The following ARFGEF1 variants were observed in gnomAD, a reference collection of about 807,000 sequenced individuals.
ARFGEF1 encodes the protein ARF guanine nucleotide exchange factor 1, also known as brefeldin A-inhibited guanine nucleotide-exchange protein 1.
Under a neutral mutation model 231.0 loss-of-function variants are expected in ARFGEF1, and 42 were observed. The observed-to-expected ratio is 0.18, with a 90% CI of 0.14 to 0.24. The LOEUF (loss-of-function observed/expected upper bound fraction) is 0.24, where lower values mean the gene tolerates loss of function less well. Ranked by LOEUF, ARFGEF1 falls within the 10% of genes least tolerant of loss-of-function variation. ARFGEF1 has a pLI of 1.00. For synonymous variants in ARFGEF1, 710 were observed against 732.3 expected (o/e 0.97, Z 0.49); for missense variants, 1,345 against 2,192.0 (o/e 0.61, Z 7.72).
At chr8:67,240,616 A>C (rs1839900233) in intron 19 of ARFGEF1, among the ~76,000 whole-genome samples, 1 of 152,186 alleles carries the variant, frequency 6.6e-6, no homozygotes, top group South Asian at 2.1e-4. Flanking sequence ...CTCTCTTTGT[A>C]AGCTTTGTCT....
At chr8:67,246,416 G>A (rs1309836122) in intron 19 of ARFGEF1, among the ~76,000 whole-genome samples, 1 of 150,026 alleles carries the variant, frequency 6.7e-6, no homozygotes, top group African/African-American at 2.5e-5. Flanking sequence ...CCTCTTTCTG[G>A]TACAACGGAA....
chr8:67,264,092 T>C (rs1338482406), intron 14 of ARFGEF1, among the ~76,000 whole-genome samples: 2 of 152,060 alleles, frequency 1.3e-5, no homozygotes, highest in Non-Finnish European at 2.9e-5. Flanking sequence ...GGTATTATCA[T>C]ACCTTCAAAG....
rs189543670 is a variant in ARFGEF1 at position 67,266,234 on chromosome 8, C to A, written c.1922-27G>T. 441 of 1,562,550 alleles carry A rather than the reference C, an allele frequency of 2.8e-4. No homozygotes were observed. The African/African-American group carries it at 5.6e-3, about 20-fold the overall frequency. ...TGAAAGAAGAAAAATTGATAGAGTACATTATTCTATCAAAGAAAAAAAAAA... is the reference window on the plus strand; with the variant it reads ...TGAAAGAAGAAAAATTGATAGAGTAAATTATTCTATCAAAGAAAAAAAAAA... On this transcript the variant is annotated intron_variant, in intron 13 of 38. Coordinates refer to ENST00000262215, the MANE Select transcript of ARFGEF1 (RefSeq NM_006421.5).
At chr8:67,237,921 G>A (rs761293376) in intron 22 of ARFGEF1, among the ~76,000 whole-genome samples, 3 of 152,092 alleles carry the variant, frequency 2.0e-5, no homozygotes, top group Non-Finnish European at 2.9e-5. Context: ...GGAAGTTCCT[G>A]GTCATATTGA....
chr8:67,302,487 G>T, intron 1 of ARFGEF1, 21 bp from the exon 2 acceptor site: 2 of 1,546,936 alleles, frequency 1.3e-6, no homozygotes, highest in Non-Finnish European at 1.7e-6. Context: ...AAAAAAAGAA[G>T]CATACATTAG....
At position 67,343,401 on chromosome 8, in the gene ARFGEF1, A is replaced by C; in HGVS notation, c.-114T>G. On this transcript the variant is annotated 5_prime_UTR_variant, in exon 1 of 39. Transcript: ENST00000262215. ...AAAGGAGAGGGGGTGGAGGTGGGGG[A>C]TTGGAGGCGTGGAGGGCAGCGGCAG... 9.5e-7 allele frequency: 1 copy of C among 1,053,222 alleles called. No individual in the cohort carries two copies. Among genetic ancestry groups the C allele is most frequent in the Non-Finnish European group, 1.3e-6 (1 of 789,398 alleles). 65.2% of individuals were successfully genotyped at this position (1,053,222 alleles called of 1,614,324 possible). A position where few individuals can be genotyped will look rare whatever the true frequency, so the allele number is the denominator to read the frequency against.
chr8:67,175,225 C>T (rs1293518962), downstream of ARFGEF1: 2 of 1,114,092 alleles, frequency 1.8e-6, no homozygotes, highest in East Asian at 2.4e-5. Context: ...ATGTTACTTA[C>T]AGTGAAGTTT....
Position 67,312,341 on chromosome 8 carries a change from G to A in ARFGEF1, c.125-9875C>T, listed in dbSNP as rs1476616634. ...AGGTAGAAAGAAATGACATAATATC[G>A]ATAGAAGAAAAATGATTACAGTGAC... On this transcript the variant is annotated intron_variant, in intron 1 of 38. Transcript: ENST00000262215. Among the ~76,000 whole-genome samples, 8 of 151,254 alleles carry A rather than the reference G, an allele frequency of 5.3e-5. 1 individual carries two copies. Among genetic ancestry groups the A allele is most frequent in the Admixed American group, 4.0e-4 (6 of 15,182 alleles).
At position 67,257,777 on chromosome 8, in the gene ARFGEF1, C is replaced by A; in HGVS notation, c.2481G>T (p.Leu827Phe). The A allele has an allele frequency of 6.2e-7, 1 of 1,609,996 alleles. No homozygotes were observed. Reference sequence around the variant, plus strand: ...TGGTCAACATGATAATTGAATAAGCCAAAACATAAGCTGTATCCGCACTAG... The same window carrying A: ...TGGTCAACATGATAATTGAATAAGCAAAAACATAAGCTGTATCCGCACTAG... ...LFASADTAYV[L>F]AYSIIMLTTD... The change falls in exon 17 of 39, where the codon TTG (leucine) becomes TTT (phenylalanine). Residue 827 changes from leucine to phenylalanine, a missense_variant. Physicochemically the swap from Leu to Phe is conservative, Grantham distance 22 (BLOSUM62 0). Coordinates refer to ENST00000262215, the MANE Select transcript of ARFGEF1 (RefSeq NM_006421.5).
intron 1 of ARFGEF1, among the ~76,000 whole-genome samples, chr8:67,310,002 T>C (rs1446826837): frequency 1.3e-5 from 2 of 152,304 alleles, no homozygotes; most frequent in African/African-American, 4.8e-5. Context: ...TAATACAAAA[T>C]ACTTTGGTAT....
At chr8:67,294,774 T>C (rs1806159441) in intron 5 of ARFGEF1, among the ~76,000 whole-genome samples, 2 of 152,284 alleles carry the variant, frequency 1.3e-5, no homozygotes, top group Admixed American at 6.5e-5. Flanking sequence ...TATATAAACA[T>C]ATATTTCCTA....
Position 67,267,320 on chromosome 8 carries a change from A to C in ARFGEF1, c.1672+23T>G, listed in dbSNP as rs780952427. ...AATATCTAATAATAAGAAAGAGATAATAAAAAGGATAATTTAAAATACCTG... is the reference window on the plus strand; with the variant it reads ...AATATCTAATAATAAGAAAGAGATACTAAAAAGGATAATTTAAAATACCTG... On this transcript the variant is annotated intron_variant, in intron 11 of 38. Coordinates refer to ENST00000262215, the MANE Select transcript of ARFGEF1 (RefSeq NM_006421.5). The C allele has an allele frequency of 1.9e-6, 3 of 1,590,080 alleles. No homozygotes were observed. The East Asian group carries it at 6.7e-5, about 36-fold the overall frequency.
At position 67,317,073 on chromosome 8, in the gene ARFGEF1, A is replaced by G. The variant is rs570387935; in HGVS notation, c.125-14607T>C. 1.3e-4 allele frequency among the ~76,000 whole-genome samples: 20 copies of G among 152,346 alleles called. 1 individual carries two copies. Among genetic ancestry groups the G allele is most frequent in the African/African-American group, 4.8e-4 (20 of 41,580 alleles). On this transcript the variant is annotated intron_variant, in intron 1 of 38. Transcript: ENST00000262215. ...ACCCTGGACACCCAAAGCTTGGGTA[A>G]GCTTTCCTGGTTAGTGATACACATC...
chr8:67,216,511 A>C (rs80314630), intron 33 of ARFGEF1, 79 bp downstream of exon 33: 22,156 of 1,259,918 alleles, frequency 0.018, 232 homozygotes, highest in Non-Finnish European at 0.019. Context: ...TAAGACAATT[A>C]CATGTAAGAA....
At chr8:67,337,150 AAC>A (rs1219813245) in intron 1 of ARFGEF1, among the ~76,000 whole-genome samples, 4 of 151,680 alleles carry the variant, frequency 2.6e-5, no homozygotes, top group Non-Finnish European at 2.9e-5. Context: ...AAAAAAAAAA[AAC>A]AGACAAAACA....
At chr8:67,270,754 G>A (rs1374145953) in intron 10 of ARFGEF1, among the ~76,000 whole-genome samples, 1 of 148,062 alleles carries the variant, frequency 6.8e-6, no homozygotes, top group Non-Finnish European at 1.5e-5. Flanking sequence ...GCTGGGCGCA[G>A]TGGCTCACAC....
intron 22 of ARFGEF1, among the ~76,000 whole-genome samples, chr8:67,235,565 G>A (rs1015127866): frequency 2.0e-5 from 3 of 152,156 alleles, no homozygotes; most frequent in African/African-American, 7.2e-5. Context: ...GCCATGGCTC[G>A]TGCCTCTAGT....
At chr8:67,213,525 CT>C (rs754077142) in intron 33 of ARFGEF1, among the ~76,000 whole-genome samples, 22 of 152,118 alleles carry the variant, frequency 1.4e-4, no homozygotes, top group Non-Finnish European at 2.9e-4. Flanking sequence ...GTAATGATTA[CT>C]TTTGTGTCAA....
At chr8:67,275,934 CT>C in intron 9 of ARFGEF1, 41 bp downstream of exon 9, 1 of 1,608,836 alleles carries the variant, frequency 6.2e-7, no homozygotes, top group Non-Finnish European at 8.5e-7. Context: ...AGTTTCAAGC[CT>C]AAAAACCTCT....
Sources: allele counts gnomAD v4.1 joint callset (sites outside exome capture counted in the v4.1 genomes callset), GRCh38; gene constraint gnomAD v4.1.1; transcripts MANE v1.5; gene names NCBI Gene and HGNC (gene_info 2026-07-23, HGNC 2026-07-21).